Variants in SLC8A1 observed in about 807,000 individuals in gnomAD.
The protein encoded by SLC8A1 is solute carrier family 8 member A1.
A neutral mutation model predicts 68.3 loss-of-function variants in SLC8A1; 18 were observed. The observed-to-expected ratio is 0.26, with a 90% CI of 0.18 to 0.39. The LOEUF is 0.39. Ranked by LOEUF, SLC8A1 falls within the 10% of genes least tolerant of loss-of-function variation. SLC8A1 has a pLI of 1.00. For missense variants in SLC8A1, 985 were observed against 1,156.7 expected, an observed-to-expected ratio of 0.85 and a Z score of 2.15; for synonymous variants, 475 against 415.5, an observed-to-expected ratio of 1.14 and a Z score of -1.74.
chr2:40,107,929 A>G lies in SLC8A1; in HGVS notation c.*7324T>C, dbSNP rs185513315. 206 of 152,362 alleles carry G rather than the reference A, an allele frequency of 1.4e-3. 2 individuals carry two copies. Among genetic ancestry groups the G allele is most frequent in the African/African-American group, 4.9e-3 (204 of 41,582 alleles). 9.4% of individuals were successfully genotyped at this position (152,362 alleles called of 1,614,324 possible). A position where few individuals can be genotyped will look rare whatever the true frequency, so the allele number is the denominator to read the frequency against. Reference sequence around the variant, plus strand: ...GGAATGGAAACTTTTAGTCAAAAGAAAGAATATTGAAAACAACGCTAGTAT... The same window carrying G: ...GGAATGGAAACTTTTAGTCAAAAGAGAGAATATTGAAAACAACGCTAGTAT... On this transcript the variant is annotated 3_prime_UTR_variant, in exon 8 of 8. Coordinates refer to ENST00000406785, the Ensembl canonical transcript of SLC8A1.
chr2:40,174,665 A>T (rs1337924666), intron 4 of SLC8A1, 41 bp downstream of exon 6: 3 of 1,453,264 alleles, frequency 2.1e-6, no homozygotes, highest in African/African-American at 2.8e-5. Context: ...GGTTAAGGGT[A>T]TTTGGGGAAA....
At chr2:40,279,068 GA>G (rs1305606764) in intron 2 of SLC8A1, among the ~76,000 whole-genome samples, 1 of 152,100 alleles carries the variant, frequency 6.6e-6, no homozygotes, top group African/African-American at 2.4e-5. Flanking sequence ...GCAATTTTAA[GA>G]ATCAAAACTG....
intron 2 of SLC8A1, among the ~76,000 whole-genome samples, chr2:40,418,213 ATTATT>A (rs1483323020): frequency 1.4e-4 from 22 of 152,202 alleles, no homozygotes; most frequent in African/African-American, 4.6e-4. Flanking sequence ...TATTCTTTAC[ATTATT>A]TTATTTGTTT....
chr2:40,228,264 G>A (rs417464), intron 2 of SLC8A1, among the ~76,000 whole-genome samples: 21,092 of 152,150 alleles, frequency 0.14, 1,817 homozygotes, highest in African/African-American at 0.22. Flanking sequence ...GACATTAGCT[G>A]TAAGTATGCC....
intron 1 of SLC8A1, among the ~76,000 whole-genome samples, chr2:40,491,520 T>C (rs1041944743): frequency 7.2e-5 from 11 of 152,126 alleles, no homozygotes; most frequent in African/African-American, 1.2e-4. Flanking sequence ...TCCAACACTA[T>C]GTTGAATAGG....
intron 1 of SLC8A1, among the ~76,000 whole-genome samples, chr2:40,492,544 A>G (rs548891915): frequency 4.2e-4 from 64 of 151,822 alleles, no homozygotes; most frequent in African/African-American, 1.5e-3. Context: ...AACTACCATC[A>G]GAGTGAACAG....
intron 2 of SLC8A1, among the ~76,000 whole-genome samples, chr2:40,206,408 A>T (rs1031845407): frequency 6.6e-6 from 1 of 152,192 alleles, no homozygotes; most frequent in East Asian, 1.9e-4. Context: ...TGATTGCATT[A>T]TTCACTCCTT....
intron 2 of SLC8A1, among the ~76,000 whole-genome samples, chr2:40,289,219 T>C (rs1430891079): frequency 6.7e-6 from 1 of 148,156 alleles, no homozygotes; most frequent in East Asian, 1.9e-4. Flanking sequence ...AACCAAATCC[T>C]GTTTTTTTTA....
chr2:40,315,761 C>A (rs2074359997), intron 2 of SLC8A1, among the ~76,000 whole-genome samples: 1 of 151,982 alleles, frequency 6.6e-6, no homozygotes, highest in Admixed American at 6.6e-5. Flanking sequence ...TTTCCAGTAA[C>A]ATGTCCCAGA....
chr2:40,102,324 C>A (rs1311946696), exon 8 of SLC8A1: 2 of 151,102 alleles, frequency 1.3e-5, no homozygotes, highest in African/African-American at 2.4e-5. Context: ...TAAATTTGTT[C>A]ACAATTTCTT....
At chr2:40,151,469 C>T (rs190493175) in intron 6 of SLC8A1, among the ~76,000 whole-genome samples, 3 of 152,028 alleles carry the variant, frequency 2.0e-5, no homozygotes, top group South Asian at 2.1e-4. Context: ...AGAGAAATAG[C>T]GATGAACAGG....
intron 2 of SLC8A1, 68 bp downstream of exon 2, chr2:40,428,405 A>G (rs2149780764): frequency 1.4e-6 from 2 of 1,428,118 alleles, no homozygotes; most frequent in Non-Finnish European, 1.8e-6. Flanking sequence ...ACAGACTCAC[A>G]TTCATAAACA....
chr2:40,467,324 T>C (rs559107364), intron 1 of SLC8A1, among the ~76,000 whole-genome samples: 1 of 152,268 alleles, frequency 6.6e-6, no homozygotes, highest in Admixed American at 6.5e-5. Context: ...GAACTCAATT[T>C]TGTTACTAAA....
intron 2 of SLC8A1, among the ~76,000 whole-genome samples, chr2:40,366,220 T>G (rs924545696): frequency 1.3e-5 from 2 of 152,046 alleles, no homozygotes; most frequent in East Asian, 3.9e-4. Context: ...CAACATATAG[T>G]ATGCACTCAA....
intron 1 of SLC8A1, among the ~76,000 whole-genome samples, chr2:40,511,284 A>C (rs1307515168): frequency 6.6e-6 from 1 of 152,130 alleles, no homozygotes; most frequent in East Asian, 1.9e-4. Context: ...ATCTTGTGTA[A>C]ATTTTTTTAA....
chr2:40,408,321 GC>G (rs1691025898), intron 2 of SLC8A1, among the ~76,000 whole-genome samples: 2 of 152,070 alleles, frequency 1.3e-5, no homozygotes, highest in African/African-American at 4.8e-5. Flanking sequence ...ATCCTCCCAG[GC>G]TTAACTTATC....
chr2:40,275,793 G>A (rs534891332), intron 2 of SLC8A1, among the ~76,000 whole-genome samples: 5 of 152,284 alleles, frequency 3.3e-5, no homozygotes, highest in African/African-American at 7.2e-5. Flanking sequence ...GCACAAGGCA[G>A]CACTGACTCT....
chr2:40,155,115 ACAG>A (rs1297602344), intron 6 of SLC8A1, among the ~76,000 whole-genome samples: 1 of 149,896 alleles, frequency 6.7e-6, no homozygotes, highest in Admixed American at 6.8e-5. Flanking sequence ...CAAATCTGAC[ACAG>A]CAGAATTATT....
At chr2:40,219,794 G>A (rs2058044567) in intron 2 of SLC8A1, among the ~76,000 whole-genome samples, 1 of 124,864 alleles carries the variant, frequency 8.0e-6, no homozygotes, top group South Asian at 2.6e-4. Context: ...CCTAGTTGAT[G>A]AGAGAGATGT....
Sources: gnomAD v4.1 joint callset for allele counts (sites outside exome capture counted in the v4.1 genomes callset) on GRCh38, gnomAD v4.1.1 for gene constraint, MANE v1.5 for transcripts, NCBI Gene and HGNC (gene_info 2026-07-23, HGNC 2026-07-21) for gene names.